EP400: variants seen among roughly 807,000 people sequenced by gnomAD.
EP400 encodes the protein E1A-binding protein p400.
EP400 carries 105 observed loss-of-function variants against 354.1 expected under a neutral mutation model. The ratio of observed to expected loss-of-function variants is 0.30; its 90% CI spans 0.25 to 0.35. The LOEUF is 0.35. Among genes scored for constraint, EP400 ranks in the 10% least tolerant of loss-of-function variants. EP400 has a pLI of 1.00. For synonymous variants in EP400, 1,646 were observed against 1,716.9 expected, an observed-to-expected ratio of 0.96 and a Z score of 1.02; for missense variants, 3,280 against 4,121.0, an observed-to-expected ratio of 0.80 and a Z score of 5.59.
chr12:132,020,470 C>T (rs1483752212), intron 22 of EP400, among the ~76,000 whole-genome samples: 3 of 152,184 alleles, frequency 2.0e-5, no homozygotes, highest in Admixed American at 6.5e-5. Context: ...TGCTCACAGC[C>T]ACTGGGCAGG....
At chr12:132,060,870 C>T (rs769924740) in intron 45 of EP400, among the ~76,000 whole-genome samples, 4 of 147,962 alleles carry the variant, frequency 2.7e-5, no homozygotes, top group Non-Finnish European at 5.9e-5. Flanking sequence ...GCCAAGATTG[C>T]GCCATTGCAG....
chr12:131,952,302 CA>C (rs927214848), intron 1 of EP400, among the ~76,000 whole-genome samples: 563 of 47,058 alleles, frequency 0.012, no homozygotes, highest in African/African-American at 0.021. Flanking sequence ...GACTCTGTCT[CA>C]AAAAAAAAAA....
intron 1 of EP400, among the ~76,000 whole-genome samples, chr12:131,954,849 G>A (rs1408301270): frequency 6.6e-6 from 1 of 151,660 alleles, no homozygotes; most frequent in African/African-American, 2.4e-5. Context: ...GCAACATGGT[G>A]AAACCTCGTC....
chr12:132,067,741 G>A lies in EP400; in HGVS notation c.8874+255G>A, dbSNP rs2136615476. 6.6e-6 allele frequency among the ~76,000 whole-genome samples: 1 copy of A among 152,130 alleles called. No individual in the cohort carries two copies. Among genetic ancestry groups the A allele is most frequent in the South Asian group, 2.1e-4 (1 of 4,820 alleles). On this transcript the variant is annotated intron_variant, in intron 50 of 52. Coordinates refer to ENST00000389561, the MANE Select transcript of EP400 (RefSeq NM_015409.5). This position sits in a 1 kb window ranked among gnomAD's most constrained non-coding sequence, Gnocchi z 5.3. The stretch of plus-strand genomic sequence containing the variant: ...GGAGGGGGTATAGTCTGTGAGGATG[G>A]CTGGGTGCCAGGTAAGAAGCCTGCA...
At chr12:132,071,088 T>C (rs1331394890) in intron 51 of EP400, among the ~76,000 whole-genome samples, 1 of 152,204 alleles carries the variant, frequency 6.6e-6, no homozygotes, top group Non-Finnish European at 1.5e-5. Context: ...AATGTCAGAG[T>C]CCGTATTTCA....
chr12:131,993,869 G>A lies in EP400; in HGVS notation c.2738-998G>A, dbSNP rs537698797. Among the ~76,000 whole-genome samples, 16 of 152,296 alleles carry A rather than the reference G, an allele frequency of 1.1e-4. No individual in the cohort carries two copies. In the South Asian group the frequency reaches 3.3e-3, roughly 32 times the overall value. ...ATTGTTGGCAGAAACGGCATTATGT[G>A]GTGCTCAACTGTATTGAAACAGACT... On this transcript the variant is annotated intron_variant, in intron 11 of 52. Coordinates refer to ENST00000389561, the MANE Select transcript of EP400 (RefSeq NM_015409.5).
chr12:132,076,666 T>A, intron 52 of EP400, 73 bp downstream of exon 52: 1 of 1,358,264 alleles, frequency 7.4e-7, no homozygotes, highest in Non-Finnish European at 1.0e-6. Flanking sequence ...TCTGAGGTCA[T>A]GATTAGGGAA....
chr12:132,000,877 G>T (rs1288094121), intron 12 of EP400, among the ~76,000 whole-genome samples: 1 of 152,134 alleles, frequency 6.6e-6, no homozygotes, highest in Non-Finnish European at 1.5e-5. Context: ...TCTGTATTCA[G>T]ACTTTCAGTC....
At chr12:131,950,798 G>T (rs1315442281) in intron 1 of EP400, among the ~76,000 whole-genome samples, 1 of 152,258 alleles carries the variant, frequency 6.6e-6, no homozygotes, top group African/African-American at 2.4e-5. Context: ...CTGTTGCCCA[G>T]GTTGGCGTGC....
At chr12:131,988,505 T>C (rs1892930922) in intron 7 of EP400, among the ~76,000 whole-genome samples, 1 of 152,134 alleles carries the variant, frequency 6.6e-6, no homozygotes, top group Non-Finnish European at 1.5e-5. Context: ...GTCCTAGGCT[T>C]TCCTGCCTGG....
At chr12:132,035,262 G>T (rs1454238214) in intron 30 of EP400, among the ~76,000 whole-genome samples, 4 of 152,144 alleles carry the variant, frequency 2.6e-5, no homozygotes, top group African/African-American at 9.7e-5. Context: ...CTAGAAAAGG[G>T]GACGTCCTCA....
intron 29 of EP400, 68 bp from the exon 30 acceptor site, chr12:132,031,885 T>C: frequency 2.0e-6 from 3 of 1,487,244 alleles, no homozygotes; most frequent in Non-Finnish European, 2.8e-6. Flanking sequence ...TTAATAAATG[T>C]TGAAACGTGT....
intron 2 of EP400, among the ~76,000 whole-genome samples, chr12:131,964,236 G>A (rs1891999408): frequency 6.6e-6 from 1 of 152,138 alleles, no homozygotes; most frequent in African/African-American, 2.4e-5. Flanking sequence ...GGAGACTGAG[G>A]TGCATGGATC....
chr12:132,039,520 C>G (rs1431848636), intron 32 of EP400, among the ~76,000 whole-genome samples: 2 of 152,186 alleles, frequency 1.3e-5, no homozygotes, highest in South Asian at 4.1e-4. Flanking sequence ...GGGATCCACC[C>G]GTGACCCAAA....
chr12:131,965,920 A>C (rs535208996), intron 2 of EP400, among the ~76,000 whole-genome samples: 1 of 152,306 alleles, frequency 6.6e-6, no homozygotes, highest in East Asian at 1.9e-4. Context: ...AAGCTGCTAC[A>C]AATGTTCACA....
At position 131,982,601 on chromosome 12, in the gene EP400, C is replaced by G. The variant is rs1593324395; in HGVS notation, c.1929+123C>G. The stretch of plus-strand genomic sequence containing the variant: ...ATTTTCTCTTAGCAGCTTGCTCCCC[C>G]AATTTAGAACAATTACTCAATTCAG... On this transcript the variant is annotated intron_variant, in intron 5 of 52. Transcript: ENST00000389561. The G allele has an allele frequency of 3.4e-6, 4 of 1,166,540 alleles. No individual in the cohort carries two copies. The South Asian group carries it at 6.5e-5, about 19-fold the overall frequency. 72.3% of individuals were successfully genotyped at this position (1,166,540 alleles called of 1,614,324 possible). A position where few individuals can be genotyped will look rare whatever the true frequency, so the allele number is the denominator to read the frequency against.
rs1353127939 is a variant in EP400 at position 132,045,348 on chromosome 12, G to A, written c.6814G>A (p.Gly2272Arg). The change falls in exon 38 of 53, where the codon GGG becomes AGG. Residue 2272 changes from glycine to arginine, a missense_variant. Gly to Arg is a moderately radical substitution (Grantham distance 125). This residue lies in a region of EP400 where 231 missense variants were observed against 257.9 expected (regional missense o/e 0.90). Transcript: ENST00000389561. ...AAGRKKKQRH[G>R]EAVVPPRSLF... is the part of the protein sequence containing the mutation. ...AGGCAGGAAGAAGAAGCAGCGTCACGGGGAGGCGGTCGTCCCTCCTCGGTC... is the reference window on the plus strand; with the variant it reads ...AGGCAGGAAGAAGAAGCAGCGTCACAGGGAGGCGGTCGTCCCTCCTCGGTC... 24 of 1,614,110 alleles carry A rather than the reference G, an allele frequency of 1.5e-5. No homozygotes were observed. Among genetic ancestry groups the A allele is most frequent in the East Asian group, 1.3e-4 (6 of 44,890 alleles).
At chr12:132,048,752 G>T (rs573663841) in intron 39 of EP400, among the ~76,000 whole-genome samples, 1 of 152,026 alleles carries the variant, frequency 6.6e-6, no homozygotes, top group African/African-American at 2.4e-5. Context: ...ATTTCACCAG[G>T]TTGGCCAGGC....
At chr12:132,076,238 C>A in intron 51 of EP400, 1 of 492,210 alleles carries the variant, frequency 2.0e-6, no homozygotes, top group South Asian at 1.9e-5. Flanking sequence ...AACTTGCAGT[C>A]GTTTTTGTGA....
Sources: gnomAD v4.1 joint callset for allele counts (sites outside exome capture counted in the v4.1 genomes callset) on GRCh38, gnomAD v4.1.1 for gene constraint, gnomAD v4.1.1 regional missense constraint, Gnocchi (gnomAD v3.1) non-coding constraint, MANE v1.5 for transcripts, NCBI Gene and HGNC (gene_info 2026-07-23, HGNC 2026-07-21) for gene names.